The following XPR1 variants were observed in gnomAD, a reference collection of about 807,000 sequenced individuals.
XPR1 encodes solute carrier family 53 member 1.
Under a neutral mutation model 87.5 loss-of-function variants are expected in XPR1, and 28 were observed. That is an observed-to-expected ratio of 0.32 (90% CI 0.24 to 0.44). XPR1 has a LOEUF of 0.44. Ranked by LOEUF, XPR1 falls within the 20% of genes least tolerant of loss-of-function variation. The pLI is 1.00. For missense variants in XPR1, 559 were observed against 862.3 expected (o/e 0.65, Z 4.41); for synonymous variants, 300 against 306.1 (o/e 0.98, Z 0.21).
At chr1:180,841,808 A>T (rs190551355) in intron 11 of XPR1, among the ~76,000 whole-genome samples, 100 of 152,330 alleles carry the variant, frequency 6.6e-4, no homozygotes, top group Admixed American at 2.3e-3. Flanking sequence ...AAAAAAACTC[A>T]TAGTTGCTAC....
At chr1:180,683,554 A>G (rs1429889855) in intron 2 of XPR1, among the ~76,000 whole-genome samples, 3 of 152,178 alleles carry the variant, frequency 2.0e-5, no homozygotes, top group Non-Finnish European at 4.4e-5. Flanking sequence ...GACTTCCACA[A>G]TGGTTGAACT....
chr1:180,695,215 A>C (rs139358988), intron 2 of XPR1, among the ~76,000 whole-genome samples: 4 of 152,064 alleles, frequency 2.6e-5, no homozygotes, highest in African/African-American at 4.8e-5. Flanking sequence ...TGTCCATTCA[A>C]ATCCTTTGCC....
chr1:180,634,736 G>C (rs1654710792), intron 1 of XPR1, among the ~76,000 whole-genome samples: 1 of 151,926 alleles, frequency 6.6e-6, no homozygotes, highest in Non-Finnish European at 1.5e-5. Context: ...GAACTGTTCA[G>C]CTTCTTTGGT....
intron 1 of XPR1, among the ~76,000 whole-genome samples, chr1:180,639,077 G>A (rs1359828695): frequency 2.0e-5 from 3 of 152,182 alleles, no homozygotes; most frequent in African/African-American, 7.2e-5. Flanking sequence ...CAGGCAGATC[G>A]CCTGAGATCA....
intron 2 of XPR1, among the ~76,000 whole-genome samples, chr1:180,780,631 G>A (rs537799899): frequency 1.3e-5 from 2 of 152,098 alleles, no homozygotes; most frequent in East Asian, 3.9e-4. Context: ...AGCCAGGCTT[G>A]GTGGTGGGCA....
intron 2 of XPR1, among the ~76,000 whole-genome samples, chr1:180,785,011 T>TTGTGTGTGTTTGTG (rs1553248231): frequency 7.3e-6 from 1 of 136,280 alleles, no homozygotes; most frequent in Non-Finnish European, 1.6e-5. Flanking sequence ...GTGTGTGTGT[T>TTGTGTGTGTTTGTG]TGTGTGTGTG....
intron 2 of XPR1, among the ~76,000 whole-genome samples, chr1:180,719,631 G>A (rs1020073863): frequency 1.3e-5 from 2 of 151,980 alleles, no homozygotes; most frequent in African/African-American, 4.8e-5. Flanking sequence ...GTACATATTT[G>A]TGGGGTACAG....
chr1:180,693,647 A>G (rs7514404), intron 2 of XPR1, among the ~76,000 whole-genome samples: 115,523 of 152,070 alleles, frequency 0.76, 44,078 homozygotes, highest in East Asian at 0.82. Flanking sequence ...TGGAATTCTG[A>G]GAGAGTATCT....
At chr1:180,744,654 C>CTTTTTTTTTTTTTTTTTTTTT (rs71121048) in intron 2 of XPR1, among the ~76,000 whole-genome samples, 19 of 102,390 alleles carry the variant, frequency 1.9e-4, no homozygotes, top group South Asian at 3.2e-4. Context: ...CAATTTCTTT[C>CTTTTTTTTTTTTTTTTTTTTT]TTTTTTTTTT....
intron 1 of XPR1, among the ~76,000 whole-genome samples, chr1:180,681,939 A>G (rs546707281): frequency 3.9e-5 from 6 of 152,354 alleles, no homozygotes; most frequent in South Asian, 2.1e-4. Flanking sequence ...ATATAGTTAA[A>G]ATGGTGAATT....
intron 9 of XPR1, among the ~76,000 whole-genome samples, chr1:180,826,772 C>T (rs552726776): frequency 6.6e-6 from 1 of 151,890 alleles, no homozygotes; most frequent in Admixed American, 6.6e-5. Flanking sequence ...TTTTGTATGC[C>T]CCTTATGTTA....
At chr1:180,816,182 C>T (rs916021760) in intron 7 of XPR1, among the ~76,000 whole-genome samples, 1 of 152,102 alleles carries the variant, frequency 6.6e-6, no homozygotes, top group African/African-American at 2.4e-5. Context: ...ACTGGGCTGG[C>T]GGGTAGGAGA....
At chr1:180,705,765 A>G (rs1433390023) in intron 2 of XPR1, among the ~76,000 whole-genome samples, 3 of 152,228 alleles carry the variant, frequency 2.0e-5, no homozygotes, top group African/African-American at 7.2e-5. Context: ...ACATGGCAAA[A>G]AAAAGTTAGG....
chr1:180,728,378 C>T (rs1210771886), intron 2 of XPR1, among the ~76,000 whole-genome samples: 1 of 151,510 alleles, frequency 6.6e-6, no homozygotes, highest in African/African-American at 2.4e-5. Context: ...AAACTGATAC[C>T]AGCCAGCTAT....
At chr1:180,717,847 T>A in intron 2 of XPR1, among the ~76,000 whole-genome samples, 1 of 152,176 alleles carries the variant, frequency 6.6e-6, no homozygotes, top group African/African-American at 2.4e-5. Flanking sequence ...TCTAGCACAC[T>A]ACTATTAGGT....
At chr1:180,639,486 A>C (rs1382983262) in intron 1 of XPR1, among the ~76,000 whole-genome samples, 2 of 152,220 alleles carry the variant, frequency 1.3e-5, no homozygotes, top group Non-Finnish European at 2.9e-5. Flanking sequence ...CAGAAACCAG[A>C]TATAAATCCT....
intron 7 of XPR1, among the ~76,000 whole-genome samples, chr1:180,823,116 C>T (rs527922140): frequency 6.6e-6 from 1 of 152,142 alleles, no homozygotes; most frequent in South Asian, 2.1e-4. Flanking sequence ...CGTCACGCAT[C>T]TGTAATCCCA....
intron 11 of XPR1, among the ~76,000 whole-genome samples, chr1:180,846,628 G>C (rs1651694818): frequency 6.6e-6 from 1 of 151,856 alleles, no homozygotes; most frequent in South Asian, 2.1e-4. Flanking sequence ...TATTAGTAGA[G>C]ATGGGGTTTG....
Position 180,863,828 on chromosome 1 carries a change from C to T in XPR1, c.1622C>T (p.Ala541Val). Residue 541 changes from alanine to valine, a missense_variant, in exon 12 of 15, where the codon GCT (alanine) becomes GTT (valine). This residue lies in a region of XPR1 where 264 missense variants were observed against 377.2 expected (regional missense o/e 0.70). Transcript: ENST00000367590. ...GACTGGGGTCTCTTCGATAAGAATG[C>T]TGGAGAGAACACTTTCCTCCGGGAA... ...KMDWGLFDKN[A>V]GENTFLREEI... is the part of the protein sequence containing the mutation. 1 of 1,610,436 alleles carries T rather than the reference C, an allele frequency of 6.2e-7. No individual in the cohort carries two copies. The highest frequency in any genetic ancestry group is 8.5e-7 in the Non-Finnish European group (1 of 1,178,804).
Sources: gnomAD v4.1 joint callset for allele counts (sites outside exome capture counted in the v4.1 genomes callset) on GRCh38, gnomAD v4.1.1 for gene constraint, gnomAD v4.1.1 regional missense constraint, MANE v1.5 for transcripts, NCBI Gene and HGNC (gene_info 2026-07-23, HGNC 2026-07-21) for gene names.